Variants in FER1L6 observed in about 807,000 individuals in gnomAD.
FER1L6 encodes the protein fer-1-like protein 6.
Under a neutral mutation model 219.2 loss-of-function variants are expected in FER1L6, and 177 were observed. The observed-to-expected ratio is 0.81, with a 90% CI of 0.71 to 0.91. The LOEUF is 0.91. Ranked by LOEUF, FER1L6 falls within the 40% of genes least tolerant of loss-of-function variation. The pLI is 0.00. For synonymous variants in FER1L6, 768 were observed against 824.3 expected, an observed-to-expected ratio of 0.93 and a Z score of 1.17; for missense variants, 2,153 against 2,259.9, an observed-to-expected ratio of 0.95 and a Z score of 0.96.
intron 29 of FER1L6, 74 bp from the exon 30 acceptor site, chr8:124,070,393 A>G (rs927978307): frequency 2.6e-6 from 4 of 1,552,558 alleles, no homozygotes; most frequent in Non-Finnish European, 3.5e-6. Context: ...GTTTTGGAGA[A>G]TCTTGGCATT....
chr8:123,931,877 A>G (rs1246530890), intron 1 of FER1L6, among the ~76,000 whole-genome samples: 1 of 152,232 alleles, frequency 6.6e-6, no homozygotes, highest in Non-Finnish European at 1.5e-5. Context: ...GAGTGCAGTG[A>G]CATGGAACTA....
rs539392192 is a variant in FER1L6, at chr8:124,000,392, T to C, written c.1520-2775T>C. 4.6e-5 allele frequency among the ~76,000 whole-genome samples: 7 copies of C among 152,354 alleles called. No homozygotes were observed. The South Asian group carries it at 1.2e-3, about 27-fold the overall frequency. On this transcript the variant is annotated intron_variant, in intron 12 of 40. Coordinates refer to ENST00000522917, the MANE Select transcript of FER1L6 (RefSeq NM_001039112.2). The stretch of plus-strand genomic sequence containing the variant: ...TTCTTATGAAGGTGCTTATTTTGTA[T>C]GAAGAGTTGTTTAATTTGGTCTTTC...
At position 124,070,569 on chromosome 8, in the gene FER1L6, G is replaced by A. The variant is rs1172989258; in HGVS notation, c.3937G>A (p.Asp1313Asn). Residue 1313 changes from aspartate (D) to asparagine (N), a missense_variant, in exon 30 of 41, where the codon GAT (aspartate) becomes AAT (asparagine). Physicochemically the swap from Asp to Asn is conservative, Grantham distance 23. Transcript: ENST00000522917. ...GKSTEDDHGL[D>N]GDRVIGKFKG... ...GTCTACGGAAGATGACCATGGTCTTGATGGAGACCGAGTCATAGGAAAATT... is the reference window on the plus strand; with the variant it reads ...GTCTACGGAAGATGACCATGGTCTTAATGGAGACCGAGTCATAGGAAAATT... 1.0e-5 allele frequency: 16 copies of A among 1,600,840 alleles called. No homozygotes were observed. Among genetic ancestry groups the A allele is most frequent in the Non-Finnish European group, 1.4e-5 (16 of 1,175,902 alleles).
intron 12 of FER1L6, among the ~76,000 whole-genome samples, chr8:124,002,934 G>T (rs186537763): frequency 6.6e-6 from 1 of 151,814 alleles, no homozygotes; most frequent in African/African-American, 2.4e-5. Flanking sequence ...TTAGTTGATG[G>T]TATTTTCTAA....
intron 1 of FER1L6, among the ~76,000 whole-genome samples, chr8:123,874,788 C>T (rs568403849): frequency 6.6e-6 from 1 of 152,172 alleles, no homozygotes. Context: ...TCAAATGTTC[C>T]CTCTCTAGTG....
chr8:124,048,788 A>G (rs1819851534), intron 21 of FER1L6, among the ~76,000 whole-genome samples: 1 of 152,230 alleles, frequency 6.6e-6, no homozygotes, highest in Non-Finnish European at 1.5e-5. Flanking sequence ...GCCCAAGGGC[A>G]TAGAACTAGA....
intron 34 of FER1L6, among the ~76,000 whole-genome samples, chr8:124,092,839 G>C (rs895944642): frequency 4.5e-5 from 6 of 132,514 alleles, no homozygotes; most frequent in Non-Finnish European, 9.5e-5. Context: ...AGAGAAAGCG[G>C]GGAAGTGCTA....
At chr8:124,041,549 G>A (rs947641136) in intron 20 of FER1L6, among the ~76,000 whole-genome samples, 1 of 152,166 alleles carries the variant, frequency 6.6e-6, no homozygotes, top group Admixed American at 6.5e-5. Context: ...CTCTGCTCCA[G>A]TGTAATATAC....
At chr8:123,880,595 G>A (rs941245107) in intron 1 of FER1L6, among the ~76,000 whole-genome samples, 7 of 152,094 alleles carry the variant, frequency 4.6e-5, no homozygotes, top group African/African-American at 1.7e-4. Context: ...GTATTTTATG[G>A]CCAGACAGCC....
intron 1 of FER1L6, among the ~76,000 whole-genome samples, chr8:123,866,752 G>A (rs552098033): frequency 5.3e-5 from 8 of 152,176 alleles, no homozygotes; most frequent in Admixed American, 1.3e-4. Flanking sequence ...CGAGTAGTGA[G>A]GACCACAGGT....
At chr8:123,960,585 A>G (rs573630580) in intron 2 of FER1L6, among the ~76,000 whole-genome samples, 7 of 152,202 alleles carry the variant, frequency 4.6e-5, no homozygotes, top group African/African-American at 1.7e-4. Context: ...TCTCTCAGTT[A>G]TGGAGGCCAA....
chr8:124,004,724 C>T (rs1202161492), intron 13 of FER1L6, among the ~76,000 whole-genome samples: 1 of 152,124 alleles, frequency 6.6e-6, no homozygotes, highest in African/African-American at 2.4e-5. Context: ...GTTGGTCAGG[C>T]GAGGTGGCTC....
intron 1 of FER1L6, among the ~76,000 whole-genome samples, chr8:123,927,170 A>G (rs921944541): frequency 6.6e-6 from 1 of 152,074 alleles, no homozygotes; most frequent in African/African-American, 2.4e-5. Flanking sequence ...AGGAAAAAAA[A>G]AAAAAAAAAG....
In FER1L6 at chr8:124,085,402, A is replaced by G. The variant is rs189419557; in HGVS notation, c.4391+2944A>G. 6.3e-5 allele frequency among the ~76,000 whole-genome samples: 5 copies of G among 79,094 alleles called. No homozygotes were observed. The East Asian group carries it at 1.4e-3, about 23-fold the overall frequency. 51.9% of individuals were successfully genotyped at this position (79,094 alleles called of 152,430 possible). A position where few individuals can be genotyped will look rare whatever the true frequency, so the allele number is the denominator to read the frequency against. ...CTTAGTACTACTTTCATTGTGTCCC[A>G]TAAGTGTTGTTGGTATGTTTCCATT... is the stretch of plus-strand genomic sequence containing the variant. On this transcript the variant is annotated intron_variant, in intron 33 of 40. Transcript: ENST00000522917.
In FER1L6 at chr8:124,067,780, A is replaced by G. The variant is rs999607174; in HGVS notation, c.3692A>G (p.Asn1231Ser). 1 of 1,612,504 alleles carries G rather than the reference A, an allele frequency of 6.2e-7. No individual in the cohort carries two copies. The highest frequency in any genetic ancestry group is 1.3e-5 in the African/African-American group (1 of 74,878). ...LKKAQKAKERNPKGKKGNTEA... is the reference protein window; with the variant it reads ...LKKAQKAKERSPKGKKGNTEA... ...CCTTTTTCAAAGGCAAAGGAGAGAA[A>G]TCCCAAGGGAAAAAAAGGCAATACA... Residue 1231 changes from asparagine (N) to serine (S), a missense_variant, in exon 28 of 41, where the codon AAT becomes AGT. Transcript: ENST00000522917.
chr8:123,987,107 G>A (rs183507267), intron 12 of FER1L6, among the ~76,000 whole-genome samples: 1 of 152,280 alleles, frequency 6.6e-6, no homozygotes, highest in East Asian at 1.9e-4. Flanking sequence ...GTTCTCCATA[G>A]TGGTTGTATT....
intron 1 of FER1L6, among the ~76,000 whole-genome samples, chr8:123,900,855 C>T (rs959262961): frequency 6.6e-6 from 1 of 152,180 alleles, no homozygotes; most frequent in Non-Finnish European, 1.5e-5. Context: ...ATGAAACAGA[C>T]TTGATCATGG....
intron 10 of FER1L6, among the ~76,000 whole-genome samples, chr8:123,979,801 CAT>C (rs930246052): frequency 7.2e-5 from 11 of 152,294 alleles, no homozygotes; most frequent in Non-Finnish European, 1.3e-4. Context: ...GATCTTAAGA[CAT>C]ATGATTATGT....
intron 1 of FER1L6, among the ~76,000 whole-genome samples, chr8:123,890,625 A>ATTTTTTTTTTTTTT (rs59914385): frequency 3.3e-5 from 3 of 91,430 alleles, no homozygotes; most frequent in Admixed American, 1.5e-4. Context: ...TAAAAATTTG[A>ATTTTTTTTTTTTTT]TTTTTTTTTT....
Sources: allele counts gnomAD v4.1 joint callset (sites outside exome capture counted in the v4.1 genomes callset), GRCh38; gene constraint gnomAD v4.1.1; transcripts MANE v1.5; gene names NCBI Gene and HGNC (gene_info 2026-07-23, HGNC 2026-07-21).